Variants in CPLANE1 observed in about 807,000 individuals in gnomAD.
The protein encoded by CPLANE1 is ciliogenesis and planar polarity effector 1.
Under a neutral mutation model 362.5 loss-of-function variants are expected in CPLANE1, and 263 were observed. The ratio of observed to expected loss-of-function variants is 0.73; its 90% CI spans 0.66 to 0.80. The LOEUF (loss-of-function observed/expected upper bound fraction) is 0.80. Ranked by LOEUF, CPLANE1 falls within the 30% of genes least tolerant of loss-of-function variation. The pLI is 0.00. For missense variants in CPLANE1, 3,461 were observed against 3,793.4 expected, an observed-to-expected ratio of 0.91 and a Z score of 2.30; for synonymous variants, 1,212 against 1,302.6, an observed-to-expected ratio of 0.93 and a Z score of 1.50.
intron 30 of CPLANE1, among the ~76,000 whole-genome samples, 174 bp downstream of exon 30, chr5:37,177,447 T>C (rs560068689): frequency 7.2e-5 from 11 of 152,296 alleles, no homozygotes; most frequent in East Asian, 3.9e-4. Flanking sequence ...TATCAATACA[T>C]AGAAGTATAA....
intron 9 of CPLANE1, among the ~76,000 whole-genome samples, chr5:37,229,006 G>C (rs957770354): frequency 6.6e-6 from 1 of 152,012 alleles, no homozygotes; most frequent in African/African-American, 2.4e-5. Context: ...CGGATCACGA[G>C]GTTAGGAGTT....
intron 19 of CPLANE1, among the ~76,000 whole-genome samples, chr5:37,199,637 C>T (rs900820802): frequency 6.6e-6 from 1 of 152,176 alleles, no homozygotes; most frequent in Non-Finnish European, 1.5e-5. Flanking sequence ...AAATGCTATC[C>T]AAACCAGTAG....
the CPLANE1 span, among the ~76,000 whole-genome samples, chr5:37,094,975 C>A: frequency 2.6e-5 from 4 of 152,060 alleles, no homozygotes; most frequent in African/African-American, 7.2e-5. Context: ...CAGGACCAGA[C>A]GGATTCACAA....
At chr5:37,242,968 A>G in intron 6 of CPLANE1, 45 bp downstream of exon 6, 1 of 1,345,094 alleles carries the variant, frequency 7.4e-7, no homozygotes, top group Non-Finnish European at 1.0e-6. Context: ...CCTCCAAAAG[A>G]AAAAAAAATC....
intron 19 of CPLANE1, among the ~76,000 whole-genome samples, chr5:37,200,190 T>C (rs1345556502): frequency 6.6e-6 from 1 of 152,210 alleles, no homozygotes; most frequent in African/African-American, 2.4e-5. Flanking sequence ...GCCGTTATTG[T>C]TTAAACCATT....
At chr5:37,177,588 T>C (rs2151064866) in intron 30 of CPLANE1, 33 bp downstream of exon 30, 2 of 1,502,546 alleles carry the variant, frequency 1.3e-6, no homozygotes, top group Non-Finnish European at 1.8e-6. Flanking sequence ...AGGTAACCAG[T>C]GACAATCACT....
Position 37,226,298 on chromosome 5 carries a change from T to G in CPLANE1, c.2291+6A>C. The G allele has an allele frequency of 6.8e-7, 1 of 1,481,310 alleles. No individual in the cohort carries two copies. Among genetic ancestry groups the G allele is most frequent in the Non-Finnish European group, 8.9e-7 (1 of 1,118,970 alleles). The allele number at this position is 1,481,310 out of a possible 1,614,324, so 91.8% of individuals were successfully genotyped here. ...AGTATCCCAGTATTAAAATAAGTGA[T>G]TATACCTGTGTCCTGGCTGTTGCAC... On this transcript the variant is annotated splice_donor_region_variant and intron_variant, in intron 12 of 52. Coordinates refer to ENST00000651892, the MANE Select transcript of CPLANE1 (RefSeq NM_001384732.1).
Position 37,170,106 on chromosome 5 carries a change from T to A in CPLANE1, c.6397A>T (p.Lys2133Ter). 6.2e-7 allele frequency: 1 copy of A among 1,614,184 alleles called. No homozygotes were observed. ...SMGENAREPR[K>*]NSPHCHEGTI... ...CCTTCATGGCAGTGTGGGCTGTTCT[T>A]GCGAGGCTCTCTGGCGTTCTCTCCC... Residue 2133 changes from lysine to a stop codon, truncating the protein, a stop_gained, in exon 33 of 53, where the codon AAG (lysine) becomes TAG (stop). Transcript: ENST00000651892. LOFTEE classifies it high-confidence loss of function.
At chr5:37,245,297 C>CTATATATATATA (rs57781968) in intron 4 of CPLANE1, among the ~76,000 whole-genome samples, 182 bp downstream of exon 4, 2 of 59,702 alleles carry the variant, frequency 3.3e-5, no homozygotes, top group Non-Finnish European at 3.3e-5. Flanking sequence ...ATAACCAAAA[C>CTATATATATATA]TATATATATA....
Position 37,239,791 on chromosome 5 carries a change from C to G in CPLANE1, c.756G>C (p.Lys252Asn). 6.5e-7 allele frequency: 1 copy of G among 1,547,230 alleles called. No homozygotes were observed. The highest frequency in any genetic ancestry group is 2.0e-5 in the Admixed American group (1 of 50,910). The stretch of plus-strand genomic sequence containing the variant: ...AGGCAGAAATTAGAGCTCCTCTTGA[C>G]TTTACTGATTCACATTTAGGAATTA... Reference protein sequence around the residue: ...CSLIPKCESVKSRGALISAFS... With the variant: ...CSLIPKCESVNSRGALISAFS... Residue 252 changes from lysine (K) to asparagine (N), a missense_variant, in exon 7 of 53, where the codon AAG becomes AAC. This residue lies in a region of CPLANE1 where 3,380 missense variants were observed against 3,666.1 expected (regional missense o/e 0.92). Transcript: ENST00000651892.
At chr5:37,205,769 A>G (rs538995873) in intron 17 of CPLANE1, among the ~76,000 whole-genome samples, 2 of 152,234 alleles carry the variant, frequency 1.3e-5, no homozygotes, top group Non-Finnish European at 2.9e-5. Flanking sequence ...GCTGACGTGT[A>G]ATGACATGAT....
chr5:37,246,894 G>A (rs1007105190), intron 2 of CPLANE1, among the ~76,000 whole-genome samples: 3 of 152,056 alleles, frequency 2.0e-5, no homozygotes, highest in Non-Finnish European at 2.9e-5. Flanking sequence ...GCAACAGAGC[G>A]AGACTCCATC....
chr5:37,178,295 TA>T (rs1262024490), intron 29 of CPLANE1, among the ~76,000 whole-genome samples: 1 of 147,728 alleles, frequency 6.8e-6, no homozygotes, highest in Non-Finnish European at 1.5e-5. Context: ...GTCTCAAAAA[TA>T]AAAATAAAAA....
chr5:37,079,751 C>T, the CPLANE1 span, among the ~76,000 whole-genome samples: 1 of 152,180 alleles, frequency 6.6e-6, no homozygotes, highest in Non-Finnish European at 1.5e-5. Context: ...TGCAGTAGAG[C>T]TCTGGTGGGT....
At chr5:37,208,844 T>C (rs1791685774) in intron 16 of CPLANE1, among the ~76,000 whole-genome samples, 1 of 152,138 alleles carries the variant, frequency 6.6e-6, no homozygotes, top group Non-Finnish European at 1.5e-5. Context: ...TATATTTAAA[T>C]TTCTGTCTCA....
At chr5:37,115,597 C>CTTT (rs202050168) in intron 50 of CPLANE1, among the ~76,000 whole-genome samples, 11 of 124,664 alleles carry the variant, frequency 8.8e-5, no homozygotes, top group African/African-American at 1.9e-4. Context: ...ACTTTTATTT[C>CTTT]TTTTTTTTTT....
Position 37,125,235 on chromosome 5 carries a change from C to A in CPLANE1, c.8958+9G>T, listed in dbSNP as rs745582655. ...TGTAATTCCATTACCCTTGACATGG[C>A]AGACTTACTGGATTGCTTCTGGGAC... On this transcript the variant is annotated intron_variant, in intron 47 of 52. Transcript: ENST00000651892. 13 of 1,606,712 alleles carry A rather than the reference C, an allele frequency of 8.1e-6. No homozygotes were observed. The East Asian group carries it at 2.9e-4, about 36-fold the overall frequency.
At chr5:37,214,233 G>A (rs1793412555) in intron 15 of CPLANE1, among the ~76,000 whole-genome samples, 1 of 152,234 alleles carries the variant, frequency 6.6e-6, no homozygotes, top group Non-Finnish European at 1.5e-5. Context: ...GGAAGGCCAA[G>A]GTGGGCTGAT....
the CPLANE1 span, among the ~76,000 whole-genome samples, chr5:37,098,923 CAA>C: frequency 2.5e-4 from 13 of 52,064 alleles, no homozygotes; most frequent in Non-Finnish European, 3.9e-4. Context: ...ATGCCTACAT[CAA>C]AAAAAAAAAA....
Sources: gnomAD v4.1 joint callset for allele counts (sites outside exome capture counted in the v4.1 genomes callset) on GRCh38, gnomAD v4.1.1 for gene constraint, gnomAD v4.1.1 regional missense constraint, MANE v1.5 for transcripts, NCBI Gene and HGNC (gene_info 2026-07-23, HGNC 2026-07-21) for gene names.